Variants in EPC1 observed in about 807,000 individuals in gnomAD.
EPC1 encodes enhancer of polycomb 1.
A neutral mutation model predicts 98.4 loss-of-function variants in EPC1; 12 were observed. The observed-to-expected ratio is 0.12, with a 90% CI of 0.08 to 0.20. EPC1 has a LOEUF of 0.20. Among genes scored for constraint, EPC1 ranks in the 10% least tolerant of loss-of-function variants. The probability of loss-of-function intolerance (pLI) is 1.00; values close to 1 mark genes in which losing one functional copy is unlikely to be tolerated. For synonymous variants in EPC1, 357 were observed against 363.9 expected, an observed-to-expected ratio of 0.98 and a Z score of 0.21; for missense variants, 729 against 990.5, an observed-to-expected ratio of 0.74 and a Z score of 3.54.
intron 1 of EPC1, among the ~76,000 whole-genome samples, chr10:32,362,978 A>G (rs139180750): frequency 0.014 from 2,130 of 152,344 alleles, 54 homozygotes; most frequent in African/African-American, 0.048. Flanking sequence ...GTAGCCAGCT[A>G]CTGAACCTGT....
chr10:32,319,069 C>G (rs905967299), intron 1 of EPC1, among the ~76,000 whole-genome samples: 1 of 152,086 alleles, frequency 6.6e-6, no homozygotes, highest in Non-Finnish European at 1.5e-5. Context: ...TGTACTGTTC[C>G]CTGCCTCTAA....
In EPC1 at chr10:32,336,465, TG is replaced by T. The variant is rs562074510; in HGVS notation, c.153+10297del. Among the ~76,000 whole-genome samples, 812 of 152,308 alleles carry T rather than the reference TG, an allele frequency of 5.3e-3. 7 individuals carry two copies. Among genetic ancestry groups the T allele is most frequent in the Non-Finnish European group, 8.0e-3 (541 of 68,024 alleles). ...CAAACCCTATCTACCTACTTTGTGC[TG>T]GAACTCAAGTGAATGCTACTGCCCA... On this transcript the variant is annotated intron_variant, in intron 1 of 13. Transcript: ENST00000319778.
At chr10:32,306,541 G>C (rs1470635897) in intron 1 of EPC1, among the ~76,000 whole-genome samples, 1 of 152,082 alleles carries the variant, frequency 6.6e-6, no homozygotes, top group South Asian at 2.1e-4. Flanking sequence ...TCTGGACTCA[G>C]GCTGTCTGAT....
At chr10:32,281,679 T>TC (rs1224349947) in intron 10 of EPC1, 1 of 151,664 alleles carries the variant, frequency 6.6e-6, no homozygotes, top group East Asian at 1.9e-4. Context: ...TTTCTCTTTT[T>TC]TTTTTTTGAG....
intron 1 of EPC1, chr10:32,345,194 C>A: frequency 1.0e-6 from 1 of 984,754 alleles, no homozygotes; most frequent in Non-Finnish European, 1.2e-6. Context: ...AAAGTTGATA[C>A]AAGTAAAATA....
In EPC1 at chr10:32,293,730, A is replaced by G. The variant is rs750423718; in HGVS notation, c.321T>C (p.Ser107=). ...CATAATCAGGCTGTTCAGCATCCAA[A>G]CTAAAAGCTGACAGAAGGAACCATA... ...PKQLIHIQPF[S]LDAEQPDYDL... Residue 107 remains serine, a synonymous_variant, in exon 3 of 14, where the codon AGT becomes AGC. Coordinates refer to ENST00000319778, the MANE Select transcript of EPC1 (RefSeq NM_001272004.3). The G allele has an allele frequency of 1.2e-5, 19 of 1,610,458 alleles. No individual in the cohort carries two copies. In the South Asian group the frequency reaches 2.0e-4, roughly 17 times the overall value.
intron 10 of EPC1, among the ~76,000 whole-genome samples, chr10:32,281,513 G>A (rs879290450): frequency 6.6e-6 from 1 of 152,134 alleles, no homozygotes; most frequent in Non-Finnish European, 1.5e-5. Flanking sequence ...ACTGAATGAG[G>A]TAAGATGCTT....
chr10:32,269,895 G>A (rs1360804583), intron 13 of EPC1, among the ~76,000 whole-genome samples: 1 of 152,072 alleles, frequency 6.6e-6, no homozygotes, highest in African/African-American at 2.4e-5. Context: ...CTTTCTTCTG[G>A]GCCACTCCTG....
At chr10:32,274,764 TA>T (rs1356611983) in intron 10 of EPC1, among the ~76,000 whole-genome samples, 2 of 152,138 alleles carry the variant, frequency 1.3e-5, no homozygotes, top group African/African-American at 4.8e-5. Flanking sequence ...AATATTGACA[TA>T]AAAATAACTG....
intron 10 of EPC1, among the ~76,000 whole-genome samples, chr10:32,279,163 T>C (rs1836263312): frequency 1.3e-5 from 2 of 151,770 alleles, no homozygotes; most frequent in South Asian, 4.1e-4. Context: ...GCCTGGCCAA[T>C]ATGGTGAAAC....
chr10:32,332,202 G>A (rs532836598), intron 1 of EPC1, among the ~76,000 whole-genome samples: 17 of 152,206 alleles, frequency 1.1e-4, no homozygotes, highest in Non-Finnish European at 1.9e-4. Context: ...GGCTTGGAAA[G>A]GCTTCATAAC....
At chr10:32,363,294 T>C (rs920718526) in intron 1 of EPC1, among the ~76,000 whole-genome samples, 1 of 152,226 alleles carries the variant, frequency 6.6e-6, no homozygotes, top group African/African-American at 2.4e-5. Context: ...TTGCCCAGGC[T>C]GGTCTCGAAC....
chr10:32,268,875 G>T lies in EPC1; in HGVS notation c.*188C>A. ...ATAATTGCTGTATTCTTAATTTACA[G>T]ATGTTGATTTTTTTCCTATTAACAG... On this transcript the variant is annotated 3_prime_UTR_variant, in exon 14 of 14. Coordinates refer to ENST00000319778, the MANE Select transcript of EPC1 (RefSeq NM_001272004.3). The T allele has an allele frequency of 1.8e-6, 1 of 549,732 alleles. No individual in the cohort carries two copies. The highest frequency in any genetic ancestry group is 3.3e-6 in the Non-Finnish European group (1 of 307,448). 34.1% of individuals were successfully genotyped at this position (549,732 alleles called of 1,614,324 possible).
chr10:32,320,228 T>A (rs967542263), intron 1 of EPC1, among the ~76,000 whole-genome samples: 2 of 144,606 alleles, frequency 1.4e-5, no homozygotes, highest in Non-Finnish European at 3.1e-5. Context: ...GCAAAAGGAC[T>A]TTTTTTTTAA....
intron 1 of EPC1, among the ~76,000 whole-genome samples, chr10:32,328,327 C>A (rs1837425571): frequency 6.6e-6 from 1 of 152,150 alleles, no homozygotes; most frequent in Non-Finnish European, 1.5e-5. Context: ...CAACAGGTTA[C>A]CGGTAGCAGC....
intron 1 of EPC1, among the ~76,000 whole-genome samples, chr10:32,342,128 A>T (rs1461766541): frequency 6.6e-6 from 1 of 152,112 alleles, no homozygotes; most frequent in Admixed American, 6.5e-5. Context: ...CCATACTCTC[A>T]ATTCTTTTCT....
intron 13 of EPC1, among the ~76,000 whole-genome samples, chr10:32,270,148 G>T (rs1303224785): frequency 6.6e-6 from 1 of 152,120 alleles, no homozygotes; most frequent in Non-Finnish European, 1.5e-5. Flanking sequence ...ACACAGATTG[G>T]ATCTGATCTT....
At chr10:32,369,453 G>A (rs755076988) in intron 1 of EPC1, among the ~76,000 whole-genome samples, 25 of 152,222 alleles carry the variant, frequency 1.6e-4, no homozygotes, top group Non-Finnish European at 2.4e-4. Flanking sequence ...CACCCCATCA[G>A]TGTCTCAAAC....
chr10:32,332,139 G>A (rs1399406077), intron 1 of EPC1, among the ~76,000 whole-genome samples: 1 of 152,204 alleles, frequency 6.6e-6, no homozygotes, highest in African/African-American at 2.4e-5. Flanking sequence ...CAAAGGGTTT[G>A]TTGCAAAGGA....
Sources: allele counts gnomAD v4.1 joint callset (sites outside exome capture counted in the v4.1 genomes callset), GRCh38; gene constraint gnomAD v4.1.1; transcripts MANE v1.5; gene names NCBI Gene and HGNC (gene_info 2026-07-23, HGNC 2026-07-21).